The following TMEM164 variants were observed in gnomAD, a reference collection of about 807,000 sequenced individuals.
TMEM164 encodes transmembrane protein 164, also known as RP13-360B22.2.
TMEM164 carries 4 observed loss-of-function variants against 18.8 expected under a neutral mutation model. The ratio of observed to expected loss-of-function variants is 0.21; its 90% CI spans 0.10 to 0.49. The LOEUF is 0.49. TMEM164 is among the 20% of genes least tolerant of loss of function. The probability of loss-of-function intolerance (pLI) is 0.98; values close to 1 mark genes in which losing one functional copy is unlikely to be tolerated. For synonymous variants in TMEM164, 86 were observed against 101.7 expected, an observed-to-expected ratio of 0.85 and a Z score of 0.93; for missense variants, 108 against 239.9, an observed-to-expected ratio of 0.45 and a Z score of 3.63.
intron 5 of TMEM164, among the ~76,000 whole-genome samples, chrX:110,166,508 C>T (rs1282315333): frequency 1.8e-5 from 2 of 111,681 alleles, no homozygotes; most frequent in Non-Finnish European, 3.8e-5. Context: ...TGGGATGTCA[C>T]ACTGCCCAGT....
chrX:110,119,537 G>T (rs1602658235), intron 4 of TMEM164, among the ~76,000 whole-genome samples: 1 of 112,049 alleles, frequency 8.9e-6, no homozygotes, highest in East Asian at 2.8e-4. Flanking sequence ...AAGTCTTTTT[G>T]TCTCTTTATA....
intron 5 of TMEM164, among the ~76,000 whole-genome samples, chrX:110,160,197 G>T (rs2067074252): frequency 8.9e-6 from 1 of 112,045 alleles, no homozygotes; most frequent in Admixed American, 9.4e-5. Flanking sequence ...GGATCTTAAG[G>T]GGTTCATTCA....
intron 2 of TMEM164, among the ~76,000 whole-genome samples, chrX:110,008,082 T>G (rs942360471): frequency 1.8e-5 from 2 of 112,466 alleles, no homozygotes; most frequent in Non-Finnish European, 3.8e-5. Flanking sequence ...ATTTTTTGTC[T>G]TCTTTACAAT....
chrX:110,095,740 T>G (rs944853201), intron 3 of TMEM164, among the ~76,000 whole-genome samples: 9 of 112,745 alleles, frequency 8.0e-5, no homozygotes, highest in African/African-American at 2.9e-4. Context: ...GGAGCTATGT[T>G]CCTTTGGAGG....
At chrX:110,073,322 T>TTGTTTTA (rs1214702019) in intron 3 of TMEM164, among the ~76,000 whole-genome samples, 1 of 112,055 alleles carries the variant, frequency 8.9e-6, no homozygotes. Context: ...AGGCATGAGC[T>TTGTTTTA]ACTATGCCTG....
Position 110,003,816 on chromosome X carries a change from T to G in TMEM164, c.42T>G (p.Tyr14Ter). The change falls in exon 2 of 7, where the codon TAT becomes TAG. Residue 14 changes from tyrosine to a stop codon, truncating the protein, a stop_gained. Coordinates refer to ENST00000372068, the MANE Select transcript of TMEM164 (RefSeq NM_032227.4). LOFTEE classifies it high-confidence loss of function. ...ACCAGAGTCTCCTGGACTGGCTCTA[T>G]GGGGGCGTGGACCCCAGTTTTGCAG... The part of the protein sequence containing the change: ...YSYQSLLDWL[Y>*]GGVDPSFAGN... The G allele has an allele frequency of 8.3e-7, 1 of 1,210,309 alleles. No homozygotes were observed. The highest frequency in any genetic ancestry group is 1.1e-6 in the Non-Finnish European group (1 of 894,730).
chrX:110,116,177 T>G (rs1450307972), intron 4 of TMEM164, among the ~76,000 whole-genome samples: 1 of 112,224 alleles, frequency 8.9e-6, no homozygotes, highest in Non-Finnish European at 1.9e-5. Flanking sequence ...GGGAAAAAGA[T>G]TAATATTAGC....
chrX:110,041,714 G>A (rs1935101600), intron 2 of TMEM164, among the ~76,000 whole-genome samples: 1 of 111,873 alleles, frequency 8.9e-6, no homozygotes. Flanking sequence ...AAGTACTTCA[G>A]AGCTGAGGCA....
intron 2 of TMEM164, among the ~76,000 whole-genome samples, chrX:110,015,990 C>T (rs772287696): frequency 1.1e-4 from 12 of 112,357 alleles, no homozygotes; most frequent in African/African-American, 2.3e-4. Flanking sequence ...TCTTGGTCAT[C>T]GGAGTCAGGG....
chrX:110,052,412 A>G (rs1355573300), intron 2 of TMEM164, among the ~76,000 whole-genome samples: 1 of 112,771 alleles, frequency 8.9e-6, no homozygotes, highest in Non-Finnish European at 1.9e-5. Flanking sequence ...ACAAACTGCC[A>G]TTACCAGATT....
chrX:110,166,600 C>G (rs1158323249), intron 5 of TMEM164, among the ~76,000 whole-genome samples: 2 of 111,957 alleles, frequency 1.8e-5, no homozygotes, highest in Non-Finnish European at 3.8e-5. Flanking sequence ...GGGGATCAGT[C>G]TTGGCTGCTG....
intron 2 of TMEM164, among the ~76,000 whole-genome samples, chrX:110,014,669 G>A (rs753447075): frequency 3.5e-4 from 37 of 106,030 alleles, no homozygotes; most frequent in African/African-American, 1.3e-3. Context: ...GTTTGTGACA[G>A]AAGTATGAAA....
chrX:110,147,752 C>G (rs2066878538), intron 5 of TMEM164, among the ~76,000 whole-genome samples: 1 of 110,876 alleles, frequency 9.0e-6, no homozygotes, highest in South Asian at 3.8e-4. Flanking sequence ...ACCCATCCAC[C>G]CCAGCTTCTC....
chrX:110,137,273 T>C (rs2066704465), intron 4 of TMEM164, among the ~76,000 whole-genome samples: 1 of 111,359 alleles, frequency 9.0e-6, no homozygotes, highest in Admixed American at 9.6e-5. Flanking sequence ...TCTTTTCTTG[T>C]ACCTCACCTC....
rs2067287985 is a variant in TMEM164, at chrX:110,176,223, CA to C, written c.*2774del. On this transcript the variant is annotated 3_prime_UTR_variant, in exon 7 of 7. Coordinates refer to ENST00000372068, the MANE Select transcript of TMEM164 (RefSeq NM_032227.4). ...GGTAGCCTTGGCCAGGGATGTGGGC[CA>C]AGAACAGTCTGTGGAGCTGGCCAAC... 1.3e-6 allele frequency: 1 copy of C among 755,134 alleles called. No individual in the cohort carries two copies. The highest frequency in any genetic ancestry group is 2.3e-5 in the African/African-American group (1 of 43,336). 62.2% of individuals were successfully genotyped at this position (755,134 alleles called of 1,213,427 possible).
chrX:110,151,036 C>T (rs1437515766), intron 5 of TMEM164, among the ~76,000 whole-genome samples: 8 of 112,033 alleles, frequency 7.1e-5, no homozygotes, highest in Non-Finnish European at 1.9e-5. Context: ...GTGACAGTCC[C>T]CGGATTTGAA....
Position 110,173,235 on chromosome X carries a change from G to C in TMEM164, c.688-10G>C, listed in dbSNP as rs1312412034. The C allele has an allele frequency of 8.3e-7, 1 of 1,207,896 alleles. No individual in the cohort carries two copies. Among genetic ancestry groups the C allele is most frequent in the African/African-American group, 1.8e-5 (1 of 56,907 alleles). ...GGTGAACGCTCACTCTACCTCCCTT[G>C]TCCCTGCAGGTCACCGAAGTGAATT... On this transcript the variant is annotated splice_polypyrimidine_tract_variant and intron_variant, in intron 6 of 6. Coordinates refer to ENST00000372068, the MANE Select transcript of TMEM164 (RefSeq NM_032227.4).
chrX:110,082,601 C>G (rs1273781181), intron 3 of TMEM164, among the ~76,000 whole-genome samples: 1 of 111,079 alleles, frequency 9.0e-6, no homozygotes, highest in Non-Finnish European at 1.9e-5. Flanking sequence ...GGGAACCGAC[C>G]CAGTCCCAAA....
rs191191383 is a variant in TMEM164, at chrX:110,021,694, G to C, written c.390+17530G>C. ...TAGGGAAGCTTCCAGAAAAGCATGA[G>C]ATCTCAGGCCAATTAAGCCTCTGAT... On this transcript the variant is annotated intron_variant, in intron 2 of 6. Coordinates refer to ENST00000372068, the MANE Select transcript of TMEM164 (RefSeq NM_032227.4). 4.8e-3 allele frequency among the ~76,000 whole-genome samples: 542 copies of C among 111,764 alleles called. 2 individuals carry two copies. Among genetic ancestry groups the C allele is most frequent in the Non-Finnish European group, 6.5e-3 (343 of 53,137 alleles).
Sources: gnomAD v4.1 joint callset for allele counts (sites outside exome capture counted in the v4.1 genomes callset) on GRCh38, gnomAD v4.1.1 for gene constraint, MANE v1.5 for transcripts, NCBI Gene and HGNC (gene_info 2026-07-23, HGNC 2026-07-21) for gene names.